The following ADCY8 variants were observed in gnomAD, a reference collection of about 807,000 sequenced individuals.
The protein encoded by ADCY8 is adenylate cyclase type 8.
ADCY8 carries 51 observed loss-of-function variants against 119.7 expected under a neutral mutation model. The observed-to-expected ratio is 0.43, with a 90% CI of 0.34 to 0.54. ADCY8 has a LOEUF of 0.54. Ranked by LOEUF, ADCY8 falls within the 20% of genes least tolerant of loss-of-function variation. The pLI, the probability that ADCY8 is intolerant of heterozygous loss-of-function variation, is 0.03. For synonymous variants in ADCY8, 665 were observed against 651.0 expected, an observed-to-expected ratio of 1.02 and a Z score of -0.33; for missense variants, 1,383 against 1,598.8, an observed-to-expected ratio of 0.87 and a Z score of 2.30.
At chr8:130,991,499 G>A (rs1210230474) in intron 1 of ADCY8, among the ~76,000 whole-genome samples, 2 of 152,156 alleles carry the variant, frequency 1.3e-5, no homozygotes, top group East Asian at 3.8e-4. Context: ...TTGAGTTAAG[G>A]ATAAAATAAC....
intron 1 of ADCY8, among the ~76,000 whole-genome samples, chr8:131,018,330 A>C (rs894147917): frequency 6.6e-5 from 10 of 152,180 alleles, no homozygotes; most frequent in Non-Finnish European, 1.5e-4. Flanking sequence ...TGGTTTGGAA[A>C]TATCAGTTTA....
chr8:130,977,954 T>A (rs778584028), intron 2 of ADCY8, among the ~76,000 whole-genome samples: 3 of 152,230 alleles, frequency 2.0e-5, no homozygotes, highest in Non-Finnish European at 4.4e-5. Context: ...CTTCCACTAC[T>A]CATTCATGCA....
intron 4 of ADCY8, 85 bp from the exon 5 acceptor site, chr8:130,937,285 G>T: frequency 7.2e-7 from 1 of 1,398,396 alleles, no homozygotes; most frequent in Non-Finnish European, 9.5e-7. Context: ...GGCGAGCAGG[G>T]TTAGGTGGTC....
chr8:130,856,976 A>G (rs1817757692), intron 9 of ADCY8, among the ~76,000 whole-genome samples: 1 of 151,998 alleles, frequency 6.6e-6, no homozygotes. Flanking sequence ...AAGCATAAAT[A>G]AAGAAAACCA....
At chr8:130,872,127 A>G (rs1177540636) in intron 8 of ADCY8, among the ~76,000 whole-genome samples, 1 of 152,234 alleles carries the variant, frequency 6.6e-6, no homozygotes, top group Non-Finnish European at 1.5e-5. Flanking sequence ...GATTTGGAAT[A>G]TTATTATTTC....
At chr8:130,915,125 AAC>A (rs1229063569) in intron 5 of ADCY8, among the ~76,000 whole-genome samples, 1 of 152,250 alleles carries the variant, frequency 6.6e-6, no homozygotes, top group Non-Finnish European at 1.5e-5. Context: ...TTAAATAAAA[AAC>A]ACACGTAATT....
At chr8:130,879,838 T>C (rs185954759) in intron 8 of ADCY8, among the ~76,000 whole-genome samples, 17 of 152,298 alleles carry the variant, frequency 1.1e-4, no homozygotes, top group Non-Finnish European at 1.9e-4. Context: ...CAATGGTCTA[T>C]TTTTATAAAA....
Position 130,800,592 on chromosome 8 carries a change from G to A in ADCY8, c.2914-20C>T. 6.2e-7 allele frequency: 1 copy of A among 1,613,068 alleles called. No homozygotes were observed. The highest frequency in any genetic ancestry group is 8.5e-7 in the Non-Finnish European group (1 of 1,179,188). ...CAGCTCCTGGACAGAGACACACAGAGGGCACCAGAAATGGTCATCAGAGGT... is the reference window on the plus strand; with the variant it reads ...CAGCTCCTGGACAGAGACACACAGAAGGCACCAGAAATGGTCATCAGAGGT... On this transcript the variant is annotated intron_variant, in intron 14 of 17. Coordinates refer to ENST00000286355, the MANE Select transcript of ADCY8 (RefSeq NM_001115.3).
intron 15 of ADCY8, among the ~76,000 whole-genome samples, chr8:130,789,731 T>C (rs1586413906): frequency 6.6e-6 from 1 of 152,202 alleles, no homozygotes; most frequent in South Asian, 2.1e-4. Context: ...TGAATCTTGA[T>C]TGCTTGACTC....
At chr8:130,936,828 C>T (rs143592807) in intron 5 of ADCY8, among the ~76,000 whole-genome samples, 293 of 152,274 alleles carry the variant, frequency 1.9e-3, no homozygotes, top group African/African-American at 6.6e-3. Context: ...TGCTGCATCT[C>T]CACAAGGGCA....
intron 5 of ADCY8, among the ~76,000 whole-genome samples, chr8:130,923,127 A>C (rs970762570): frequency 6.6e-6 from 1 of 152,216 alleles, no homozygotes; most frequent in African/African-American, 2.4e-5. Context: ...TAATTGAAGC[A>C]GGCTTATGAG....
chr8:130,973,918 G>C (rs146666564), intron 2 of ADCY8, among the ~76,000 whole-genome samples: 95 of 152,300 alleles, frequency 6.2e-4, no homozygotes, highest in African/African-American at 2.2e-3. Flanking sequence ...TTGTTTTATA[G>C]TTCTGAGTAT....
At position 130,849,761 on chromosome 8, in the gene ADCY8, C is replaced by T; in HGVS notation, c.2253G>A (p.Leu751=). ...MTIQFSILIM[L]HSALVLITTA... ...TGGTGATGAGGACCAGAGCCGAGTG[C>T]AGCATAATCAGAATGGAGAACTGGA... is the stretch of plus-strand genomic sequence containing the variant. Residue 751 remains leucine (L), a synonymous_variant, in exon 10 of 18, where the codon CTG becomes CTA. Transcript: ENST00000286355. 1 of 1,613,606 alleles carries T rather than the reference C, an allele frequency of 6.2e-7. No individual in the cohort carries two copies. The highest frequency in any genetic ancestry group is 1.7e-5 in the Admixed American group (1 of 59,996).
chr8:130,875,453 G>C (rs1392456203), intron 8 of ADCY8, among the ~76,000 whole-genome samples: 1 of 152,168 alleles, frequency 6.6e-6, no homozygotes, highest in Non-Finnish European at 1.5e-5. Flanking sequence ...GAGACCATTT[G>C]GTTCATGCTT....
At chr8:130,949,236 G>GC (rs1483012204) in intron 3 of ADCY8, among the ~76,000 whole-genome samples, 1 of 152,098 alleles carries the variant, frequency 6.6e-6, no homozygotes, top group East Asian at 1.9e-4. Context: ...CAGAAAGCGA[G>GC]CCGCCGAACA....
chr8:130,805,190 C>T (rs755811992), intron 14 of ADCY8, among the ~76,000 whole-genome samples: 22 of 152,194 alleles, frequency 1.4e-4, no homozygotes, highest in Non-Finnish European at 2.6e-4. Context: ...ATTGCACATA[C>T]ATCATCTCAT....
At chr8:130,858,176 G>GT (rs932175716) in intron 9 of ADCY8, among the ~76,000 whole-genome samples, 9 of 126,094 alleles carry the variant, frequency 7.1e-5, no homozygotes, top group South Asian at 2.2e-4. Flanking sequence ...CTCCAAAATT[G>GT]TTTTTTAAAA....
intron 1 of ADCY8, among the ~76,000 whole-genome samples, chr8:131,025,176 C>T (rs1388825099): frequency 6.6e-6 from 1 of 152,156 alleles, no homozygotes; most frequent in Non-Finnish European, 1.5e-5. Context: ...GTGTGCTTAT[C>T]CCCTTGGCTC....
At chr8:130,990,799 C>A (rs1822554228) in intron 1 of ADCY8, 1 of 286,814 alleles carries the variant, frequency 3.5e-6, no homozygotes. Context: ...TCATGGGAAA[C>A]CTGCTGTGAA....
Sources: allele counts gnomAD v4.1 joint callset (sites outside exome capture counted in the v4.1 genomes callset), GRCh38; gene constraint gnomAD v4.1.1; transcripts MANE v1.5; gene names NCBI Gene and HGNC (gene_info 2026-07-23, HGNC 2026-07-21).